The following TACC2 variants were observed in gnomAD, a reference collection of about 807,000 sequenced individuals.
TACC2 encodes the protein transforming acidic coiled-coil-containing protein 2.
In TACC2, 137 loss-of-function variants were observed where a neutral mutation model predicts 227.3. That is an observed-to-expected ratio of 0.60 (90% CI 0.52 to 0.69). The LOEUF is 0.69. Among genes scored for constraint, TACC2 ranks in the 30% least tolerant of loss-of-function variants. The pLI, the probability that TACC2 is intolerant of heterozygous loss-of-function variation, is 0.00. For missense variants in TACC2, 3,470 were observed against 3,694.4 expected (o/e 0.94, Z 1.57); for synonymous variants, 1,523 against 1,487.5 (o/e 1.02, Z -0.55).
intron 7 of TACC2, among the ~76,000 whole-genome samples, chr10:122,149,243 T>C (rs149591200): frequency 5.9e-5 from 9 of 152,322 alleles, no homozygotes; most frequent in African/African-American, 1.9e-4. Flanking sequence ...AGAGTTGGCC[T>C]CTCACTCCCT....
rs572124456 is a variant in TACC2 at position 122,212,781 on chromosome 10, G to A, written c.7283+1073G>A. 3.1e-4 allele frequency among the ~76,000 whole-genome samples: 47 copies of A among 152,354 alleles called. No individual in the cohort carries two copies. The South Asian group carries it at 9.7e-3, about 32-fold the overall frequency. On this transcript the variant is annotated intron_variant, in intron 9 of 22. Transcript: ENST00000369005. ...CCTTAGATCAACCTGCCACTGTCTA[G>A]TGGTGGCTGGAGGCCATCCTGGCCA...
At chr10:122,025,617 A>T (rs1225731102) in intron 2 of TACC2, among the ~76,000 whole-genome samples, 1 of 134,700 alleles carries the variant, frequency 7.4e-6, no homozygotes, top group African/African-American at 2.8e-5. Flanking sequence ...TCTGTTGCCC[A>T]GGCTGGAGTG....
At chr10:122,109,835 G>A (rs1362944416) in intron 5 of TACC2, among the ~76,000 whole-genome samples, 1 of 152,176 alleles carries the variant, frequency 6.6e-6, no homozygotes, top group Admixed American at 6.5e-5. Flanking sequence ...CATTCCAGGG[G>A]CTTGCTCTGT....
intron 7 of TACC2, among the ~76,000 whole-genome samples, chr10:122,171,463 C>T (rs2093469004): frequency 6.6e-6 from 1 of 152,158 alleles, no homozygotes; most frequent in Admixed American, 6.5e-5. Context: ...AGCTGCTGGG[C>T]CAAGTTTACC....
chr10:122,210,814 C>G lies in TACC2; in HGVS notation c.6389C>G (p.Pro2130Arg). 1 of 1,612,360 alleles carries G rather than the reference C, an allele frequency of 6.2e-7. No individual in the cohort carries two copies. The highest frequency in any genetic ancestry group is 1.1e-5 in the South Asian group (1 of 90,896). ...ASSTLKRTKK[P>R]RPPSLKKKQT... ...AGTACCCTTAAGCGAACTAAAAAAC[C>G]GAGGCCGCCTTCCTTAAAAAAGAAA... Residue 2130 changes from proline to arginine, a missense_variant, in exon 9 of 23, where the codon CCG becomes CGG. Pro to Arg is a moderately radical substitution (Grantham distance 103). Coordinates refer to ENST00000369005, the MANE Select transcript of TACC2 (RefSeq NM_206862.4). This position sits in a 1 kb window ranked among gnomAD's most constrained non-coding sequence, Gnocchi z 4.6.
At chr10:122,157,646 C>T (rs1053854573) in intron 7 of TACC2, among the ~76,000 whole-genome samples, 5 of 152,062 alleles carry the variant, frequency 3.3e-5, no homozygotes, top group Non-Finnish European at 7.4e-5. Flanking sequence ...CTTAGGTCAG[C>T]ACTTCCACGC....
At chr10:122,098,930 C>T (rs930611275) in intron 5 of TACC2, among the ~76,000 whole-genome samples, 3 of 152,154 alleles carry the variant, frequency 2.0e-5, no homozygotes, top group African/African-American at 7.2e-5. Context: ...ATCTGGCACC[C>T]GTGGGGAATG....
intron 22 of TACC2, among the ~76,000 whole-genome samples, chr10:122,252,634 G>T (rs960263119): frequency 6.6e-6 from 1 of 152,108 alleles, no homozygotes; most frequent in African/African-American, 2.4e-5. Flanking sequence ...GGGATTACAG[G>T]TGTGTGCCAC....
chr10:122,042,373 G>A (rs982671354), intron 2 of TACC2, among the ~76,000 whole-genome samples: 12 of 152,150 alleles, frequency 7.9e-5, no homozygotes, highest in African/African-American at 2.4e-4. Context: ...CTCCCAAGTA[G>A]CTGGGATTAC....
chr10:122,168,240 C>T (rs1053760553), intron 7 of TACC2, among the ~76,000 whole-genome samples: 3 of 152,088 alleles, frequency 2.0e-5, no homozygotes, highest in African/African-American at 7.2e-5. Flanking sequence ...CTTGGGGCAG[C>T]CCTTGGCTAA....
intron 1 of TACC2, among the ~76,000 whole-genome samples, chr10:121,993,689 C>G (rs904416806): frequency 6.6e-6 from 1 of 152,094 alleles, no homozygotes; most frequent in South Asian, 2.1e-4. Flanking sequence ...GCAGTGGCAC[C>G]ATCACAGCTC....
intron 19 of TACC2, chr10:122,248,404 C>G: frequency 1.8e-6 from 1 of 548,518 alleles, no homozygotes; most frequent in East Asian, 3.1e-5. Context: ...ATAGTAATGG[C>G]TCATTTCTAC....
At chr10:122,223,115 G>A (rs1274574527) in intron 11 of TACC2, among the ~76,000 whole-genome samples, 5 of 146,198 alleles carry the variant, frequency 3.4e-5, no homozygotes, top group African/African-American at 1.0e-4. Context: ...GTGCAGTGGT[G>A]CGATCTTGGC....
intron 8 of TACC2, among the ~76,000 whole-genome samples, chr10:122,201,690 C>T (rs1049518163): frequency 3.3e-5 from 5 of 152,312 alleles, no homozygotes; most frequent in East Asian, 1.9e-4. Flanking sequence ...CTGGGATGCT[C>T]GGGGCTCTCA....
intron 5 of TACC2, among the ~76,000 whole-genome samples, chr10:122,117,763 C>G (rs2084967898): frequency 6.6e-6 from 1 of 152,128 alleles, no homozygotes; most frequent in African/African-American, 2.4e-5. Flanking sequence ...CATTCTTGCA[C>G]TGAAGCTCCT....
At chr10:122,197,347 G>T (rs1177953530) in intron 8 of TACC2, among the ~76,000 whole-genome samples, 1 of 152,238 alleles carries the variant, frequency 6.6e-6, no homozygotes, top group Non-Finnish European at 1.5e-5. Context: ...AGTGTGCGGA[G>T]AGGCCACTTG....
chr10:122,053,216 G>A (rs773037182), intron 3 of TACC2, among the ~76,000 whole-genome samples: 6 of 152,164 alleles, frequency 3.9e-5, no homozygotes, highest in African/African-American at 1.4e-4. Flanking sequence ...CAATCACGGT[G>A]GAAGGCAAGG....
At chr10:122,007,141 T>G (rs1464593153) in intron 1 of TACC2, among the ~76,000 whole-genome samples, 1 of 152,150 alleles carries the variant, frequency 6.6e-6, no homozygotes, top group Non-Finnish European at 1.5e-5. Flanking sequence ...GGATTACAGG[T>G]GTGAGCCACC....
intron 14 of TACC2, among the ~76,000 whole-genome samples, chr10:122,228,578 C>A (rs1253153358): frequency 6.6e-6 from 1 of 152,308 alleles, no homozygotes; most frequent in African/African-American, 2.4e-5. Flanking sequence ...TTCCACACAT[C>A]TGAAATGCAC....
Sources: gnomAD v4.1 joint callset for allele counts (sites outside exome capture counted in the v4.1 genomes callset) on GRCh38, gnomAD v4.1.1 for gene constraint, Gnocchi (gnomAD v3.1) non-coding constraint, MANE v1.5 for transcripts, NCBI Gene and HGNC (gene_info 2026-07-23, HGNC 2026-07-21) for gene names.